The following MVB12B variants were observed in gnomAD, a reference collection of about 807,000 sequenced individuals.
MVB12B encodes the protein multivesicular body subunit 12B.
Under a neutral mutation model 41.6 loss-of-function variants are expected in MVB12B, and 16 were observed. The ratio of observed to expected loss-of-function variants is 0.38; its 90% CI spans 0.26 to 0.58. The LOEUF is 0.58. Ranked by LOEUF, MVB12B falls within the 20% of genes least tolerant of loss-of-function variation. MVB12B has a pLI of 0.62. For synonymous variants in MVB12B, 133 were observed against 139.7 expected (o/e 0.95, Z 0.34); for missense variants, 274 against 380.2 (o/e 0.72, Z 2.32).
chr9:126,404,603 A>T (rs754964783), intron 6 of MVB12B, among the ~76,000 whole-genome samples: 3 of 152,178 alleles, frequency 2.0e-5, no homozygotes, highest in Non-Finnish European at 4.4e-5. Context: ...GTGGGTGGGG[A>T]ACTCATCCCA....
At chr9:126,369,401 C>T (rs1830273090) in intron 2 of MVB12B, among the ~76,000 whole-genome samples, 1 of 152,142 alleles carries the variant, frequency 6.6e-6, no homozygotes, top group Admixed American at 6.5e-5. Flanking sequence ...ATGTATCCAC[C>T]ATGCAGCTCT....
At chr9:126,338,406 G>C (rs1014191825) in intron 1 of MVB12B, among the ~76,000 whole-genome samples, 2 of 152,222 alleles carry the variant, frequency 1.3e-5, no homozygotes, top group African/African-American at 4.8e-5. Context: ...CCAGGCAGAG[G>C]GCCATTGTCA....
Position 126,389,966 on chromosome 9 carries a change from C to G in MVB12B, c.410-2100C>G, listed in dbSNP as rs535900456. On this transcript the variant is annotated intron_variant, in intron 4 of 9. Transcript: ENST00000361171. The surrounding 1 kb of genome is among the most constrained non-coding windows in gnomAD (Gnocchi z 4.4). ...GTTATCTGACTCTTTAAAAAACAAC[C>G]CTACCCCCCTCAAAATATAATAACA... Among the ~76,000 whole-genome samples the G allele has an allele frequency of 5.3e-5, 8 of 152,206 alleles. No individual in the cohort carries two copies. The highest frequency in any genetic ancestry group is 1.4e-4 in the African/African-American group (6 of 41,516).
chr9:126,454,633 A>C (rs1832944064), intron 7 of MVB12B, among the ~76,000 whole-genome samples: 1 of 152,228 alleles, frequency 6.6e-6, no homozygotes, highest in African/African-American at 2.4e-5. Context: ...TAACCCCTGC[A>C]TGGCTTTAGC....
At position 126,392,118 on chromosome 9, in the gene MVB12B, T is replaced by G; in HGVS notation, c.462T>G (p.Asp154Glu). 1 of 1,614,200 alleles carries G rather than the reference T, an allele frequency of 6.2e-7. No individual in the cohort carries two copies. Among genetic ancestry groups the G allele is most frequent in the African/African-American group, 1.3e-5 (1 of 75,046 alleles). Residue 154 changes from aspartate to glutamate, a missense_variant, in exon 5 of 10, where the codon GAT becomes GAG. Asp to Glu is a conservative substitution (Grantham distance 45, BLOSUM62 2). Coordinates refer to ENST00000361171, the MANE Select transcript of MVB12B (RefSeq NM_033446.3). This position sits in a 1 kb window ranked among gnomAD's most constrained non-coding sequence, Gnocchi z 4.8. ...KRLCIKFIPR[D>E]STEAAICDIR... is the part of the protein sequence containing the mutation. ...TGTGCATTAAATTTATTCCACGGGA[T>G]TCAACGGAAGCTGCGATTTGTGACA... is the stretch of plus-strand genomic sequence containing the variant.
At chr9:126,425,984 T>G (rs1355487245) in intron 7 of MVB12B, among the ~76,000 whole-genome samples, 2 of 152,248 alleles carry the variant, frequency 1.3e-5, no homozygotes, top group African/African-American at 4.8e-5. Context: ...TTTTAAATAG[T>G]TGGACAAAAA....
At chr9:126,456,727 C>T (rs1832992563) in intron 7 of MVB12B, among the ~76,000 whole-genome samples, 1 of 152,168 alleles carries the variant, frequency 6.6e-6, no homozygotes, top group African/African-American at 2.4e-5. Context: ...GAGGCATCTC[C>T]TTCCTAGAGG....
At chr9:126,440,420 T>C (rs1174593242) in intron 7 of MVB12B, among the ~76,000 whole-genome samples, 2 of 152,220 alleles carry the variant, frequency 1.3e-5, no homozygotes, top group Non-Finnish European at 2.9e-5. Flanking sequence ...CAGTCTGGCA[T>C]CGTTACGTGA....
chr9:126,501,183 T>A (rs984942809), intron 9 of MVB12B, among the ~76,000 whole-genome samples: 1 of 151,750 alleles, frequency 6.6e-6, no homozygotes. Flanking sequence ...AGGGCTGGAG[T>A]GAGAGAGCTG....
intron 3 of MVB12B, among the ~76,000 whole-genome samples, chr9:126,385,566 GTC>G (rs1450662244): frequency 6.6e-6 from 1 of 152,192 alleles, no homozygotes; most frequent in Non-Finnish European, 1.5e-5. Flanking sequence ...CTAGATGCTT[GTC>G]CAAGGATGCT....
At position 126,367,157 on chromosome 9, in the gene MVB12B, A is replaced by G. The variant is rs558153902; in HGVS notation, c.205-13907A>G. On this transcript the variant is annotated intron_variant, in intron 2 of 9. Coordinates refer to ENST00000361171, the MANE Select transcript of MVB12B (RefSeq NM_033446.3). This position sits in a 1 kb window ranked among gnomAD's most constrained non-coding sequence, Gnocchi z 4.3. ...GTCTTGACGCGGGTAGTTTCTTCTAAGCAGTCTCTGGTGCCTCCCATCTCG... is the reference window on the plus strand; with the variant it reads ...GTCTTGACGCGGGTAGTTTCTTCTAGGCAGTCTCTGGTGCCTCCCATCTCG... Among the ~76,000 whole-genome samples the G allele has an allele frequency of 2.0e-5, 3 of 152,162 alleles. No homozygotes were observed. In the South Asian group the frequency reaches 6.2e-4, roughly 32 times the overall value.
chr9:126,470,077 A>G (rs1373614296), intron 7 of MVB12B, among the ~76,000 whole-genome samples: 3 of 152,222 alleles, frequency 2.0e-5, no homozygotes, highest in African/African-American at 4.8e-5. Context: ...TATTAGTATT[A>G]GTGAGTATTA....
At chr9:126,380,497 C>G (rs1285306067) in intron 2 of MVB12B, among the ~76,000 whole-genome samples, 4 of 152,178 alleles carry the variant, frequency 2.6e-5, no homozygotes, top group Non-Finnish European at 5.9e-5. Context: ...CTATCCTGAT[C>G]CAGTTTCTCA....
intron 7 of MVB12B, among the ~76,000 whole-genome samples, chr9:126,476,934 A>G (rs1163177853): frequency 5.9e-5 from 9 of 152,076 alleles, no homozygotes; most frequent in Non-Finnish European, 1.3e-4. Flanking sequence ...ATATTTTTAC[A>G]TAATATATGT....
At chr9:126,404,752 A>G (rs556144314) in intron 6 of MVB12B, among the ~76,000 whole-genome samples, 1 of 152,368 alleles carries the variant, frequency 6.6e-6, no homozygotes, top group East Asian at 1.9e-4. Context: ...CAGCACCACC[A>G]TCCCTCCCTC....
intron 7 of MVB12B, among the ~76,000 whole-genome samples, chr9:126,470,961 GCAGTT>G (rs1271159152): frequency 1.3e-5 from 2 of 152,214 alleles, no homozygotes; most frequent in East Asian, 3.8e-4. Flanking sequence ...CAGTTACTGA[GCAGTT>G]CGTTCGTACC....
intron 3 of MVB12B, among the ~76,000 whole-genome samples, chr9:126,382,988 C>T (rs946352862): frequency 1.3e-5 from 2 of 152,182 alleles, no homozygotes; most frequent in African/African-American, 4.8e-5. Context: ...CTCTGCCTCA[C>T]TTTTGAAGCA....
intron 7 of MVB12B, among the ~76,000 whole-genome samples, chr9:126,474,772 G>A (rs987908004): frequency 1.3e-5 from 2 of 152,206 alleles, no homozygotes; most frequent in African/African-American, 2.4e-5. Context: ...GAACAGAAAT[G>A]GACAGGATTG....
At chr9:126,451,169 A>C (rs1053537816) in intron 7 of MVB12B, among the ~76,000 whole-genome samples, 3 of 152,148 alleles carry the variant, frequency 2.0e-5, no homozygotes, top group African/African-American at 4.8e-5. Flanking sequence ...TCACACCACC[A>C]CTGCCATAGG....
Sources: gnomAD v4.1 joint callset for allele counts (sites outside exome capture counted in the v4.1 genomes callset) on GRCh38, gnomAD v4.1.1 for gene constraint, Gnocchi (gnomAD v3.1) non-coding constraint, MANE v1.5 for transcripts, NCBI Gene and HGNC (gene_info 2026-07-23, HGNC 2026-07-21) for gene names.